Variants in KCNIP4 observed in about 807,000 individuals in gnomAD.
The protein encoded by KCNIP4 is potassium voltage-gated channel interacting protein 4.
A neutral mutation model predicts 34.0 loss-of-function variants in KCNIP4; 12 were observed. The observed-to-expected ratio is 0.35, with a 90% CI of 0.23 to 0.57. The LOEUF (loss-of-function observed/expected upper bound fraction) is 0.57, where lower values mean the gene tolerates loss of function less well. Ranked by LOEUF, KCNIP4 falls within the 20% of genes least tolerant of loss-of-function variation. KCNIP4 has a pLI of 0.83. For missense variants in KCNIP4, 238 were observed against 311.7 expected (o/e 0.76, Z 1.78); for synonymous variants, 124 against 102.2 (o/e 1.21, Z -1.29).
chr4:21,513,290 A>G (rs1220802377), intron 1 of KCNIP4, among the ~76,000 whole-genome samples: 1 of 152,192 alleles, frequency 6.6e-6, no homozygotes, highest in African/African-American at 2.4e-5. Flanking sequence ...ACTATTCCAG[A>G]AGACTCTCGT....
At chr4:21,675,452 G>C (rs956771584) in intron 1 of KCNIP4, among the ~76,000 whole-genome samples, 2 of 152,064 alleles carry the variant, frequency 1.3e-5, no homozygotes, top group Admixed American at 1.3e-4. Flanking sequence ...AATGTAGCTG[G>C]ATTGTTTGTA....
chr4:21,242,880 CTGTGTGTGTGTGTGTGTG>C (rs56347755), intron 1 of KCNIP4, among the ~76,000 whole-genome samples: 6 of 149,166 alleles, frequency 4.0e-5, no homozygotes, highest in East Asian at 2.0e-4. Flanking sequence ...GTGTGTGTAT[CTGTGTGTGTGTGTGTGTG>C]TGTGTGTGTG....
chr4:21,891,229 T>C (rs1201231895), intron 1 of KCNIP4, among the ~76,000 whole-genome samples: 1 of 152,100 alleles, frequency 6.6e-6, no homozygotes, highest in African/African-American at 2.4e-5. Flanking sequence ...AAGAATAGAA[T>C]TCAGGGTATG....
At chr4:21,027,913 A>C (rs1257362074) in intron 1 of KCNIP4, among the ~76,000 whole-genome samples, 2 of 152,142 alleles carry the variant, frequency 1.3e-5, no homozygotes, top group Non-Finnish European at 2.9e-5. Flanking sequence ...TCTAGTCTGA[A>C]CCTCTAAAAT....
intron 1 of KCNIP4, among the ~76,000 whole-genome samples, chr4:21,241,888 G>A (rs1463845659): frequency 1.3e-5 from 2 of 152,008 alleles, no homozygotes; most frequent in East Asian, 3.9e-4. Context: ...ATGTTGGCCG[G>A]GCGTGGTGGC....
At chr4:20,754,421 T>C (rs930628993) in intron 4 of KCNIP4, among the ~76,000 whole-genome samples, 5 of 152,174 alleles carry the variant, frequency 3.3e-5, no homozygotes, top group Non-Finnish European at 7.4e-5. Flanking sequence ...CAGACCATCA[T>C]CCTGAATAAA....
At chr4:20,997,493 A>G (rs1429143734) in intron 1 of KCNIP4, among the ~76,000 whole-genome samples, 1 of 152,184 alleles carries the variant, frequency 6.6e-6, no homozygotes, top group Non-Finnish European at 1.5e-5. Context: ...TGACTAGTGA[A>G]ATAATTAAAA....
chr4:20,813,378 T>TGTC (rs1322722755), intron 3 of KCNIP4, among the ~76,000 whole-genome samples: 1 of 151,890 alleles, frequency 6.6e-6, no homozygotes, highest in Non-Finnish European at 1.5e-5. Context: ...GGCACAAAGG[T>TGTC]GTCATTGAGG....
At chr4:20,741,080 A>G (rs571663774) in intron 5 of KCNIP4, among the ~76,000 whole-genome samples, 1 of 152,194 alleles carries the variant, frequency 6.6e-6, no homozygotes, top group East Asian at 1.9e-4. Flanking sequence ...ACAAGTCCTT[A>G]GAGATCTACA....
chr4:20,914,144 C>A (rs184352110), intron 1 of KCNIP4, among the ~76,000 whole-genome samples: 1 of 149,896 alleles, frequency 6.7e-6, no homozygotes, highest in Non-Finnish European at 1.5e-5. Context: ...GCAATAAGAG[C>A]GAAACTCTGT....
At chr4:21,517,473 C>T (rs1203564732) in intron 1 of KCNIP4, among the ~76,000 whole-genome samples, 1 of 151,996 alleles carries the variant, frequency 6.6e-6, no homozygotes, top group Non-Finnish European at 1.5e-5. Context: ...TGAATGGAGG[C>T]AAAGAAGCAG....
chr4:20,837,482 C>T (rs942664858), intron 3 of KCNIP4, among the ~76,000 whole-genome samples: 2 of 151,948 alleles, frequency 1.3e-5, no homozygotes, highest in Middle Eastern at 3.4e-3. Flanking sequence ...TTATGGAGTA[C>T]GTTTACTGCC....
intron 1 of KCNIP4, among the ~76,000 whole-genome samples, chr4:21,065,260 A>G (rs551475696): frequency 1.2e-4 from 18 of 152,270 alleles, no homozygotes; most frequent in African/African-American, 4.3e-4. Flanking sequence ...ACACTACCAA[A>G]GTGTTAAATC....
At chr4:21,214,299 A>G (rs1184371555) in intron 1 of KCNIP4, among the ~76,000 whole-genome samples, 6 of 152,190 alleles carry the variant, frequency 3.9e-5, no homozygotes, top group South Asian at 2.1e-4. Flanking sequence ...TCCTTCAGGA[A>G]ATCCACATCC....
intron 1 of KCNIP4, among the ~76,000 whole-genome samples, chr4:21,084,815 C>T (rs1475496521): frequency 1.3e-5 from 2 of 151,324 alleles, no homozygotes; most frequent in African/African-American, 4.9e-5. Context: ...AATTTATTCT[C>T]AACACATGTT....
chr4:21,222,724 A>C (rs2109002887), intron 1 of KCNIP4, among the ~76,000 whole-genome samples: 1 of 152,254 alleles, frequency 6.6e-6, no homozygotes, highest in Non-Finnish European at 1.5e-5. Flanking sequence ...TGTCCCCACT[A>C]TTCTTTTTCC....
At chr4:21,675,545 A>G (rs1749824363) in intron 1 of KCNIP4, among the ~76,000 whole-genome samples, 1 of 152,152 alleles carries the variant, frequency 6.6e-6, no homozygotes, top group Non-Finnish European at 1.5e-5. Context: ...GTATCAAAAT[A>G]TCTTATGTAT....
chr4:20,859,005 A>C (rs1721912970), intron 2 of KCNIP4, among the ~76,000 whole-genome samples: 1 of 152,190 alleles, frequency 6.6e-6, no homozygotes. Flanking sequence ...GCAACAATTA[A>C]ATTACTTTGT....
chr4:21,690,139 A>T (rs562350069), intron 1 of KCNIP4, among the ~76,000 whole-genome samples: 1 of 147,684 alleles, frequency 6.8e-6, no homozygotes, highest in African/African-American at 2.5e-5. Flanking sequence ...TATATTATAT[A>T]TATATATATA....
Sources: gnomAD v4.1 joint callset for allele counts (sites outside exome capture counted in the v4.1 genomes callset) on GRCh38, gnomAD v4.1.1 for gene constraint, MANE v1.5 for transcripts, NCBI Gene and HGNC (gene_info 2026-07-23, HGNC 2026-07-21) for gene names.